Variants in CCT8 observed in about 807,000 individuals in gnomAD.
CCT8 encodes the protein chaperonin containing TCP1 subunit 8.
Under a neutral mutation model 65.7 loss-of-function variants are expected in CCT8, and 10 were observed. That is an observed-to-expected ratio of 0.15 (90% CI 0.09 to 0.26). The LOEUF is 0.26. Ranked by LOEUF, CCT8 falls within the 10% of genes least tolerant of loss-of-function variation. CCT8 has a pLI of 1.00. For synonymous variants in CCT8, 199 were observed against 221.8 expected (o/e 0.90, Z 0.92); for missense variants, 568 against 669.1 (o/e 0.85, Z 1.67).
intron 14 of CCT8, 41 bp downstream of exon 14, chr21:29,060,500 C>CA: frequency 6.3e-7 from 1 of 1,597,448 alleles, no homozygotes; most frequent in Admixed American, 1.7e-5. Flanking sequence ...AAACAGTATG[C>CA]AAATGAGTAT....
At chr21:29,066,438 G>A (rs2146435061) in intron 6 of CCT8, among the ~76,000 whole-genome samples, 1 of 152,166 alleles carries the variant, frequency 6.6e-6, no homozygotes, top group African/African-American at 2.4e-5. Flanking sequence ...TACTCGGGAG[G>A]CTGGGACTGG....
At chr21:29,065,188 A>G in intron 6 of CCT8, 83 bp from the exon 7 acceptor site, 4 of 1,411,342 alleles carry the variant, frequency 2.8e-6, no homozygotes, top group Non-Finnish European at 3.9e-6. Context: ...TATACCAAAA[A>G]TATCCCTTTC....
At chr21:29,070,152 A>C in intron 2 of CCT8, 95 bp downstream of exon 2, 1 of 644,948 alleles carries the variant, frequency 1.6e-6, no homozygotes, top group Non-Finnish European at 2.5e-6. Flanking sequence ...TAACTTCCGA[A>C]GTCATACCAT....
rs138494282 is a variant in CCT8, at chr21:29,066,983, A to G, written c.470T>C (p.Ile157Thr). 5.8e-5 allele frequency: 94 copies of G among 1,613,460 alleles called. No homozygotes were observed. The highest frequency in any genetic ancestry group is 6.2e-5 in the Non-Finnish European group (73 of 1,179,558). Residue 157 changes from isoleucine to threonine, a missense_variant, in exon 5 of 15, where the codon ATT becomes ACT. By Grantham distance (89) the Ile-to-Thr change is moderately conservative. Coordinates refer to ENST00000286788, the MANE Select transcript of CCT8 (RefSeq NM_006585.4). ...VCCSAKNLRDIDEVSSLLRTS... is the reference protein window; with the variant it reads ...VCCSAKNLRDTDEVSSLLRTS... ...ACGAAGTAGAGATGAGACTTCATCA[A>G]TATCTCGAAGGTTTTTTGCAGAACA...
chr21:29,071,660 A>AT (rs2085681703), intron 1 of CCT8, among the ~76,000 whole-genome samples: 2 of 152,078 alleles, frequency 1.3e-5, no homozygotes, highest in Admixed American at 6.5e-5. Context: ...TGTTGGGATT[A>AT]CAGGTGTGAG....
At chr21:29,072,378 T>C (rs890844228) in intron 1 of CCT8, 5 of 159,808 alleles carry the variant, frequency 3.1e-5, no homozygotes, top group Non-Finnish European at 6.8e-5. Context: ...AAGAAATAGC[T>C]CAGTGTTCTG....
At chr21:29,071,258 G>C (rs1467106224) in intron 1 of CCT8, among the ~76,000 whole-genome samples, 1 of 152,132 alleles carries the variant, frequency 6.6e-6, no homozygotes, top group African/African-American at 2.4e-5. Flanking sequence ...GCTACATGTG[G>C]GTAGTGAATA....
Position 29,066,882 on chromosome 21 carries a change from T to C in CCT8, c.562+9A>G, listed in dbSNP as rs781006894. 5.0e-6 allele frequency: 8 copies of C among 1,598,496 alleles called. No individual in the cohort carries two copies. In the Admixed American group the frequency reaches 1.4e-4, roughly 28 times the overall value. ...TTTTGGATCTTTTCATTTACTGATA[T>C]TTACTTACCGCATGCCTGAGCAATA... On this transcript the variant is annotated intron_variant, in intron 5 of 14. Coordinates refer to ENST00000286788, the MANE Select transcript of CCT8 (RefSeq NM_006585.4).
rs759233136 is a variant in CCT8, at chr21:29,060,576, T to G, written c.1534A>C (p.Thr512Pro). The change falls in exon 14 of 15, where the codon ACT (threonine) becomes CCT (proline). Residue 512 changes from threonine to proline, a missense_variant. By Grantham distance (38) the Thr-to-Pro change is conservative (BLOSUM62 -1). Coordinates refer to ENST00000286788, the MANE Select transcript of CCT8 (RefSeq NM_006585.4). ...LGKYWAIKLATNAAVTVLRVD... is the reference protein window; with the variant it reads ...LGKYWAIKLAPNAAVTVLRVD... ...CTAAGTACAGTGACTGCAGCATTAG[T>G]AGCGAGTTTGATAGCCCAATATTTT... 1 of 1,613,820 alleles carries G rather than the reference T, an allele frequency of 6.2e-7. No homozygotes were observed. Among genetic ancestry groups the G allele is most frequent in the Non-Finnish European group, 8.5e-7 (1 of 1,179,836 alleles).
In CCT8 at chr21:29,061,363, C is replaced by T; in HGVS notation, c.1339G>A (p.Ala447Thr). 2 of 1,614,038 alleles carry T rather than the reference C, an allele frequency of 1.2e-6. No individual in the cohort carries two copies. The highest frequency in any genetic ancestry group is 1.7e-6 in the Non-Finnish European group (2 of 1,179,948). The change falls in exon 13 of 15, where the codon GCT (alanine) becomes ACT (threonine). Residue 447 changes from alanine to threonine, a missense_variant. Physicochemically the swap from Ala to Thr is moderately conservative, Grantham distance 58. Transcript: ENST00000286788. ...TTTTCTGCCAGTGCGCGGGGAATAGCTTCAAATGCCTCAGCAAACTTCTTA... is the reference window on the plus strand; with the variant it reads ...TTTTCTGCCAGTGCGCGGGGAATAGTTTCAAATGCCTCAGCAAACTTCTTA... ...AIKKFAEAFE[A>T]IPRALAENSG...
Position 29,061,334 on chromosome 21 carries a change from A to C in CCT8, c.1368T>G (p.Ser456=). Residue 456 remains serine (S), a synonymous_variant, in exon 13 of 15, where the codon TCT becomes TCG. Coordinates refer to ENST00000286788, the MANE Select transcript of CCT8 (RefSeq NM_006585.4). ...AGATTACTTCATTGGCCTTAACTCCAGAGTTTTCTGCCAGTGCGCGGGGAA... is the reference window on the plus strand; with the variant it reads ...AGATTACTTCATTGGCCTTAACTCCCGAGTTTTCTGCCAGTGCGCGGGGAA... ...EAIPRALAEN[S]GVKANEVISK... 1 of 1,614,012 alleles carries C rather than the reference A, an allele frequency of 6.2e-7. No homozygotes were observed. The highest frequency in any genetic ancestry group is 8.5e-7 in the Non-Finnish European group (1 of 1,179,878).
At position 29,066,944 on chromosome 21, in the gene CCT8, C is replaced by T; in HGVS notation, c.509G>A (p.Ser170Asn). 1 of 1,612,856 alleles carries T rather than the reference C, an allele frequency of 6.2e-7. No homozygotes were observed. Among genetic ancestry groups the T allele is most frequent in the Non-Finnish European group, 8.5e-7 (1 of 1,179,086 alleles). ...VSSLLRTSIM[S>N]KQYGNEVFLA... ...AAATACTTCATTACCATATTGTTTA[C>T]TCATTATGGAGGTACGAAGTAGAGA... The change falls in exon 5 of 15, where the codon AGT becomes AAT. Residue 170 changes from serine (S) to asparagine (N), a missense_variant. By Grantham distance (46) the Ser-to-Asn change is conservative (BLOSUM62 1). Coordinates refer to ENST00000286788, the MANE Select transcript of CCT8 (RefSeq NM_006585.4).
intron 14 of CCT8, 109 bp from the exon 15 acceptor site, chr21:29,056,661 T>G: frequency 1.8e-6 from 1 of 569,276 alleles, no homozygotes; most frequent in Non-Finnish European, 2.9e-6. Flanking sequence ...TTGGTATAAT[T>G]ATGTACTGCA....
chr21:29,065,130 T>G (rs771556080), intron 6 of CCT8, 25 bp from the exon 7 acceptor site: 1 of 1,608,668 alleles, frequency 6.2e-7, no homozygotes, highest in African/African-American at 1.3e-5. Context: ...ACCAAACTCA[T>G]CAGCAATCTC....
chr21:29,065,863 A>G (rs777491767), intron 6 of CCT8, among the ~76,000 whole-genome samples: 4 of 152,120 alleles, frequency 2.6e-5, no homozygotes, highest in Non-Finnish European at 5.9e-5. Context: ...TGGGCAGATC[A>G]TGAGGTCAGG....
chr21:29,058,856 T>C (rs1439411799), intron 14 of CCT8, among the ~76,000 whole-genome samples: 1 of 152,146 alleles, frequency 6.6e-6, no homozygotes, highest in East Asian at 1.9e-4. Flanking sequence ...CCTCCCAAAG[T>C]GCTGGGATTA....
chr21:29,057,166 CTT>C lies in CCT8; in HGVS notation c.1570-616_1570-615del, dbSNP rs10708433. Among the ~76,000 whole-genome samples the C allele has an allele frequency of 2.2e-4, 30 of 139,034 alleles. No individual in the cohort carries two copies. In the East Asian group the frequency reaches 2.9e-3, roughly 13 times the overall value. 91.2% of individuals were successfully genotyped at this position (139,034 alleles called of 152,430 possible). A position where few individuals can be genotyped will look rare whatever the true frequency, so the allele number is the denominator to read the frequency against. On this transcript the variant is annotated intron_variant, in intron 14 of 14. Coordinates refer to ENST00000286788, the MANE Select transcript of CCT8 (RefSeq NM_006585.4). ...TTTATCTAAAATAAATAGGTTTTAGCTTTTTTTTTTTTTTTCTTTTTGAGACG... is the reference window on the plus strand; with the variant it reads ...TTTATCTAAAATAAATAGGTTTTAGCTTTTTTTTTTTTTCTTTTTGAGACG...
chr21:29,062,793 T>C (rs2146428036), intron 8 of CCT8: 2 of 544,912 alleles, frequency 3.7e-6, no homozygotes, highest in Non-Finnish European at 3.2e-6. Context: ...TTGTATGGCA[T>C]TGTTCTAGAA....
Position 29,070,347 on chromosome 21 carries a change from A to G in CCT8, c.61-10T>C. On this transcript the variant is annotated splice_polypyrimidine_tract_variant and intron_variant, in intron 1 of 14. Transcript: ENST00000286788. Reference sequence around the variant, plus strand: ...CTAATCCTGAAAAGTGCTGTTAAAAAAAACAAACAAAAAACCCCGCTAATT... The same window carrying G: ...CTAATCCTGAAAAGTGCTGTTAAAAGAAACAAACAAAAAACCCCGCTAATT... 6.4e-7 allele frequency: 1 copy of G among 1,568,850 alleles called. No individual in the cohort carries two copies. Among genetic ancestry groups the G allele is most frequent in the Non-Finnish European group, 8.7e-7 (1 of 1,148,588 alleles).
Sources: gnomAD v4.1 joint callset for allele counts (sites outside exome capture counted in the v4.1 genomes callset) on GRCh38, gnomAD v4.1.1 for gene constraint, MANE v1.5 for transcripts, NCBI Gene and HGNC (gene_info 2026-07-23, HGNC 2026-07-21) for gene names.